UBTD1: variants seen among roughly 807,000 people sequenced by gnomAD.
UBTD1 encodes the protein ubiquitin domain containing 1, also known as ubiquitin domain-containing protein 1.
UBTD1 carries 19 observed loss-of-function variants against 21.7 expected under a neutral mutation model. That is an observed-to-expected ratio of 0.87 (90% CI 0.61 to 1.28). The LOEUF is 1.28. Ranked by LOEUF, UBTD1 falls within the 50% of genes most tolerant of loss-of-function variation. The pLI, the probability that UBTD1 is intolerant of heterozygous loss-of-function variation, is 0.00. For missense variants in UBTD1, 282 were observed against 315.1 expected (o/e 0.89, Z 0.80); for synonymous variants, 116 against 135.1 (o/e 0.86, Z 0.98).
intron 1 of UBTD1, among the ~76,000 whole-genome samples, chr10:97,515,415 A>G (rs540770036): frequency 6.6e-6 from 1 of 152,176 alleles, no homozygotes; most frequent in Non-Finnish European, 1.5e-5. Context: ...CCAGCTTTGT[A>G]TTCCTGGAGA....
intron 1 of UBTD1, among the ~76,000 whole-genome samples, chr10:97,567,265 G>T (rs1278010574): frequency 6.6e-6 from 1 of 151,270 alleles, no homozygotes; most frequent in Non-Finnish European, 1.5e-5. Context: ...TAGAAACAGG[G>T]TTTTACCATG....
intron 1 of UBTD1, among the ~76,000 whole-genome samples, chr10:97,525,158 A>G (rs115013512): frequency 0.011 from 1,751 of 152,358 alleles, 35 homozygotes; most frequent in African/African-American, 0.037. Context: ...GTGCCAGACT[A>G]TGCTGCACCA....
intron 1 of UBTD1, among the ~76,000 whole-genome samples, chr10:97,524,769 C>T (rs1221073281): frequency 6.6e-6 from 1 of 152,202 alleles, no homozygotes. Context: ...TTTGAAGTTG[C>T]TGCCACATCA....
chr10:97,519,519 C>T (rs748785591), intron 1 of UBTD1, among the ~76,000 whole-genome samples: 1 of 152,104 alleles, frequency 6.6e-6, no homozygotes, highest in Non-Finnish European at 1.5e-5. Flanking sequence ...TGTGGTAAAC[C>T]TTTTGTGTGC....
chr10:97,521,482 A>G (rs1244165559), intron 1 of UBTD1, among the ~76,000 whole-genome samples: 1 of 152,146 alleles, frequency 6.6e-6, no homozygotes, highest in Non-Finnish European at 1.5e-5. Context: ...ACTCCCAGGG[A>G]TTCTTGCGTC....
chr10:97,499,230 C>G lies in UBTD1; in HGVS notation c.27C>G (p.Arg9=). ...TGGGCAACTGCGTGGGGAGACAGCG[C>G]CGGGAGAGGCCGGCAGCCCCGGGAC... is the stretch of plus-strand genomic sequence containing the variant. MGNCVGRQ[R]RERPAAPGHP... The change falls in exon 1 of 3, where the codon CGC becomes CGG. Residue 9 remains arginine, a synonymous_variant. Coordinates refer to ENST00000370664, the MANE Select transcript of UBTD1 (RefSeq NM_024954.5). 1 of 1,548,160 alleles carries G rather than the reference C, an allele frequency of 6.5e-7. No homozygotes were observed. Among genetic ancestry groups the G allele is most frequent in the Non-Finnish European group, 8.7e-7 (1 of 1,145,722 alleles).
chr10:97,505,004 T>C (rs2040392408), intron 1 of UBTD1, among the ~76,000 whole-genome samples: 1 of 152,192 alleles, frequency 6.6e-6, no homozygotes, highest in Non-Finnish European at 1.5e-5. Flanking sequence ...TAGCACCTTC[T>C]TGCCATTTTA....
chr10:97,548,685 G>A (rs2040622239), intron 1 of UBTD1, among the ~76,000 whole-genome samples: 1 of 152,194 alleles, frequency 6.6e-6, no homozygotes, highest in Admixed American at 6.5e-5. Flanking sequence ...GCTGGGGCAG[G>A]AAAATCACTT....
At chr10:97,535,434 T>C (rs566086280) in intron 1 of UBTD1, among the ~76,000 whole-genome samples, 7 of 151,934 alleles carry the variant, frequency 4.6e-5, no homozygotes, top group Non-Finnish European at 8.8e-5. Context: ...GCTAACACAG[T>C]GAAACCCCAT....
At chr10:97,510,507 A>G (rs2040419184) in intron 1 of UBTD1, among the ~76,000 whole-genome samples, 1 of 152,218 alleles carries the variant, frequency 6.6e-6, no homozygotes, top group South Asian at 2.1e-4. Context: ...TAGGGCTGTC[A>G]TAAGAATTAG....
chr10:97,569,986 A>G, intron 2 of UBTD1, 152 bp from the exon 3 acceptor site: 1 of 1,188,576 alleles, frequency 8.4e-7, no homozygotes, highest in Non-Finnish European at 1.2e-6. Flanking sequence ...CTATGACCTC[A>G]TTTAACTTTA....
rs955154598 is a variant in UBTD1 at position 97,544,768 on chromosome 10, A to C, written c.71-23146A>C. Among the ~76,000 whole-genome samples, 3 of 152,198 alleles carry C rather than the reference A, an allele frequency of 2.0e-5. No individual in the cohort carries two copies. The East Asian group carries it at 5.8e-4, about 29-fold the overall frequency. Reference sequence around the variant, plus strand: ...CACTTTGGGAGACTGAGGCGGGAGGATCACTTGCACCTAGGAGTTTGAAGC... The same window carrying C: ...CACTTTGGGAGACTGAGGCGGGAGGCTCACTTGCACCTAGGAGTTTGAAGC... On this transcript the variant is annotated intron_variant, in intron 1 of 2. Coordinates refer to ENST00000370664, the MANE Select transcript of UBTD1 (RefSeq NM_024954.5).
chr10:97,569,550 T>G (rs1220086612), intron 2 of UBTD1, among the ~76,000 whole-genome samples: 2 of 152,176 alleles, frequency 1.3e-5, no homozygotes. Context: ...GACTGTGGGG[T>G]GGCCATGGCA....
intron 1 of UBTD1, among the ~76,000 whole-genome samples, chr10:97,548,558 G>T (rs556091786): frequency 6.6e-6 from 1 of 152,314 alleles, no homozygotes; most frequent in South Asian, 2.1e-4. Flanking sequence ...CACTTTGAAA[G>T]GCCAAGGCAG....
chr10:97,549,389 C>G (rs1327704148), intron 1 of UBTD1, among the ~76,000 whole-genome samples: 2 of 152,230 alleles, frequency 1.3e-5, no homozygotes, highest in African/African-American at 4.8e-5. Context: ...CTGTGCCTCC[C>G]CTCTCCAGCT....
intron 1 of UBTD1, among the ~76,000 whole-genome samples, chr10:97,530,626 C>T (rs949217742): frequency 6.6e-5 from 10 of 151,988 alleles, no homozygotes; most frequent in Non-Finnish European, 1.2e-4. Flanking sequence ...CAGGTAAATC[C>T]GGCAAGCAGC....
In UBTD1 at chr10:97,545,431, G is replaced by T. The variant is rs183052578; in HGVS notation, c.71-22483G>T. Among the ~76,000 whole-genome samples the T allele has an allele frequency of 2.1e-3, 309 of 148,712 alleles. 1 individual carries two copies. The highest frequency in any genetic ancestry group is 0.012 in the East Asian group (60 of 5,056). On this transcript the variant is annotated intron_variant, in intron 1 of 2. Coordinates refer to ENST00000370664, the MANE Select transcript of UBTD1 (RefSeq NM_024954.5). ...GTGTGGGTGTGGGTGTGTGTGTGTG[G>T]GTGTGTGTGTGTGTGTGTCTTAAGC...
At position 97,529,767 on chromosome 10, in the gene UBTD1, G is replaced by A. The variant is rs565766799; in HGVS notation, c.70+30494G>A. ...AGGGAGAGGGAGACCGTGGGGAGAGGGAGACCGTGGGGAGAGGGAGAGGGA... is the reference window on the plus strand; with the variant it reads ...AGGGAGAGGGAGACCGTGGGGAGAGAGAGACCGTGGGGAGAGGGAGAGGGA... On this transcript the variant is annotated intron_variant, in intron 1 of 2. Transcript: ENST00000370664. Among the ~76,000 whole-genome samples, 2 of 151,996 alleles carry A rather than the reference G, an allele frequency of 1.3e-5. 1 individual carries two copies. The highest frequency in any genetic ancestry group is 4.2e-4 in the South Asian group (2 of 4,798).
At chr10:97,553,463 T>G (rs937911331) in intron 1 of UBTD1, among the ~76,000 whole-genome samples, 1 of 152,228 alleles carries the variant, frequency 6.6e-6, no homozygotes. Context: ...ATTAATATGT[T>G]CATCATCGAC....
Sources: allele counts gnomAD v4.1 joint callset (sites outside exome capture counted in the v4.1 genomes callset), GRCh38; gene constraint gnomAD v4.1.1; transcripts MANE v1.5; gene names NCBI Gene and HGNC (gene_info 2026-07-23, HGNC 2026-07-21).